HIPK1: variants seen among roughly 807,000 people sequenced by gnomAD.
HIPK1 encodes homeodomain-interacting protein kinase 1.
HIPK1 carries 28 observed loss-of-function variants against 117.1 expected under a neutral mutation model. The ratio of observed to expected loss-of-function variants is 0.24; its 90% CI spans 0.18 to 0.33. The LOEUF (loss-of-function observed/expected upper bound fraction) is 0.33. Among genes scored for constraint, HIPK1 ranks in the 10% least tolerant of loss-of-function variants. The pLI, the probability that HIPK1 is intolerant of heterozygous loss-of-function variation, is 1.00. For synonymous variants in HIPK1, 605 were observed against 562.5 expected (o/e 1.08, Z -1.07); for missense variants, 1,122 against 1,475.1 (o/e 0.76, Z 3.92).
At chr1:113,962,271 TC>T (rs1213058864) in intron 8 of HIPK1, 45 bp from the exon 9 acceptor site, 1 of 1,600,918 alleles carries the variant, frequency 6.2e-7, no homozygotes, top group Non-Finnish European at 8.5e-7. Flanking sequence ...AAAACAGTAC[TC>T]CCAGACCTTG....
intron 8 of HIPK1, among the ~76,000 whole-genome samples, chr1:113,959,235 T>C (rs556839558): frequency 9.2e-5 from 14 of 152,080 alleles, no homozygotes; most frequent in African/African-American, 3.4e-4. Context: ...TTATTGACCG[T>C]GACTCTCTTG....
intron 1 of HIPK1, among the ~76,000 whole-genome samples, chr1:113,938,168 C>A (rs1670372157): frequency 6.6e-6 from 1 of 151,456 alleles, no homozygotes; most frequent in Admixed American, 6.6e-5. Flanking sequence ...TGGAGTCTCC[C>A]CATGTTGCTC....
chr1:113,947,389 A>G (rs547735384), intron 2 of HIPK1, among the ~76,000 whole-genome samples: 11 of 152,330 alleles, frequency 7.2e-5, no homozygotes, highest in Admixed American at 2.6e-4. Context: ...GAAAAGGTCT[A>G]GAGAAGGAAA....
At chr1:113,947,209 T>C (rs1671041116) in intron 2 of HIPK1, among the ~76,000 whole-genome samples, 1 of 152,148 alleles carries the variant, frequency 6.6e-6, no homozygotes. Context: ...ATAATATACT[T>C]TACTCTCTGG....
At position 113,971,917 on chromosome 1, in the gene HIPK1, G is replaced by C. The variant is rs888764086; in HGVS notation, c.3107G>C (p.Gly1036Ala). The part of the protein sequence containing the change: ...ITPTGYRAQR[G>A]GTSAAQPLNL... ...CCCACAGGGTATCGAGCTCAACGCG[G>C]GGGGACCAGTGCAGCACAACCACTC... is the stretch of plus-strand genomic sequence containing the variant. Residue 1036 changes from glycine (G) to alanine (A), a missense_variant, in exon 15 of 16, where the codon GGG becomes GCG. By Grantham distance (60) the Gly-to-Ala change is moderately conservative (BLOSUM62 0). Coordinates refer to ENST00000426820, the MANE Select transcript of HIPK1 (RefSeq NM_198268.3). 2 of 1,608,298 alleles carry C rather than the reference G, an allele frequency of 1.2e-6. No individual in the cohort carries two copies. Among genetic ancestry groups the C allele is most frequent in the African/African-American group, 2.7e-5 (2 of 74,712 alleles).
At chr1:113,937,102 G>A (rs150307798) in intron 1 of HIPK1, among the ~76,000 whole-genome samples, 13 of 152,256 alleles carry the variant, frequency 8.5e-5, no homozygotes, top group African/African-American at 2.9e-4. Flanking sequence ...AAGATGATTT[G>A]TAAATTCAGC....
In HIPK1 at chr1:113,971,815, CT is replaced by C; in HGVS notation, c.3014-3del. The C allele has an allele frequency of 3.8e-6, 6 of 1,588,414 alleles. No individual in the cohort carries two copies. The highest frequency in any genetic ancestry group is 5.1e-6 in the Non-Finnish European group (6 of 1,172,270). On this transcript the variant is annotated splice_polypyrimidine_tract_variant and splice_region_variant and intron_variant, in intron 14 of 15. Transcript: ENST00000426820. ...CTACTCATAACTATTAAGCCTGGTG[CT>C]TTTTTAGGTCTCCTGAGCAATAAGA...
At chr1:113,957,336 AG>A in intron 7 of HIPK1, 50 bp downstream of exon 7, 1 of 1,473,204 alleles carries the variant, frequency 6.8e-7, no homozygotes, top group Non-Finnish European at 9.4e-7. Flanking sequence ...GATAGAAACT[AG>A]TAAGAATACA....
intron 1 of HIPK1, chr1:113,933,139 G>T: frequency 1.0e-6 from 1 of 982,246 alleles, no homozygotes; most frequent in East Asian, 1.1e-4. Flanking sequence ...TGTTGCCGTA[G>T]TCATTCCAAA....
At chr1:113,969,903 T>A in intron 13 of HIPK1, 53 bp from the exon 14 acceptor site, 1 of 1,601,846 alleles carries the variant, frequency 6.2e-7, no homozygotes, top group Non-Finnish European at 8.5e-7. Context: ...CAAGACGCTG[T>A]CACACACACA....
rs138660116 is a variant in HIPK1, at chr1:113,973,145, C to T, written c.3266C>T (p.Pro1089Leu). 29 of 1,603,522 alleles carry T rather than the reference C, an allele frequency of 1.8e-5. No individual in the cohort carries two copies. The highest frequency in any genetic ancestry group is 5.3e-5 in the African/African-American group (4 of 74,842). ...QAPYTFQHGS[P>L]LHSTGHPHLA... is the part of the protein sequence containing the mutation. The stretch of plus-strand genomic sequence containing the variant: ...CCCTACACCTTCCAGCATGGCAGCC[C>T]GCTACACTCGACAGGGCACCCACAC... Residue 1089 changes from proline (P) to leucine (L), a missense_variant, in exon 16 of 16, where the codon CCG (proline) becomes CTG (leucine). Coordinates refer to ENST00000426820, the MANE Select transcript of HIPK1 (RefSeq NM_198268.3).
Position 113,941,160 on chromosome 1 carries a change from GCA to G in HIPK1, c.778_779del (p.His260Ter). On this transcript the variant is annotated frameshift_variant, in exon 2 of 16. Transcript: ENST00000426820. LOFTEE classifies it high-confidence loss of function. This position sits in a 1 kb window ranked among gnomAD's most constrained non-coding sequence, Gnocchi z 4.9. ...TTGTCCGTTCATACGAGTGCTTTCA[GCA>G]TAAGAATCACACCTGCCTTGTTTTT... ...NFVRSYECFQ[H>X]KNHTCLVFEM... 1 of 1,614,244 alleles carries G rather than the reference GCA, an allele frequency of 6.2e-7. No individual in the cohort carries two copies. Among genetic ancestry groups the G allele is most frequent in the Non-Finnish European group, 8.5e-7 (1 of 1,180,044 alleles).
rs143873887 is a variant in HIPK1, at chr1:113,967,119, T to C, written c.2382-647T>C. ...TTGTGTATATGTACCATATTTTCTT[T>C]ATCCATTCATCTGTTGATGGACACT... On this transcript the variant is annotated intron_variant, in intron 11 of 15. Transcript: ENST00000426820. Among the ~76,000 whole-genome samples the C allele has an allele frequency of 4.0e-3, 604 of 152,350 alleles. 1 individual carries two copies. The highest frequency in any genetic ancestry group is 0.031 in the Middle Eastern group (9 of 294).
intron 1 of HIPK1, among the ~76,000 whole-genome samples, chr1:113,938,248 G>A (rs1022237283): frequency 2.6e-5 from 4 of 151,700 alleles, no homozygotes; most frequent in Non-Finnish European, 5.9e-5. Context: ...AGGATTACAG[G>A]CGTGAGCCAC....
chr1:113,930,272 C>T (rs939778183), intron 1 of HIPK1, among the ~76,000 whole-genome samples: 2 of 152,248 alleles, frequency 1.3e-5, no homozygotes, highest in African/African-American at 4.8e-5. Context: ...TTTTCCCCGG[C>T]TGTCGTGGCA....
intron 1 of HIPK1, among the ~76,000 whole-genome samples, chr1:113,932,897 C>T (rs78797869): frequency 6.6e-6 from 1 of 152,334 alleles, no homozygotes; most frequent in Non-Finnish European, 1.5e-5. Flanking sequence ...CTTCCATTCT[C>T]CAAACTGCTG....
In HIPK1 at chr1:113,929,405, T is replaced by G. The variant is rs577160926; in HGVS notation, c.-130T>G. 2 of 1,288,844 alleles carry G rather than the reference T, an allele frequency of 1.6e-6. No individual in the cohort carries two copies. Among genetic ancestry groups the G allele is most frequent in the South Asian group, 2.5e-5 (2 of 81,000 alleles). The allele number at this position is 1,288,844 out of a possible 1,614,324, so 79.8% of individuals were successfully genotyped here. On this transcript the variant is annotated 5_prime_UTR_variant, in exon 1 of 16. Coordinates refer to ENST00000426820, the MANE Select transcript of HIPK1 (RefSeq NM_198268.3). ...TCTGCAGTGCGGAGGGGGCGGGAAGTCCAGGCCCCGCACTCGATCCACGCT... is the reference window on the plus strand; with the variant it reads ...TCTGCAGTGCGGAGGGGGCGGGAAGGCCAGGCCCCGCACTCGATCCACGCT...
chr1:113,931,201 T>C (rs1361225410), intron 1 of HIPK1, among the ~76,000 whole-genome samples: 1 of 150,282 alleles, frequency 6.7e-6, no homozygotes, highest in Admixed American at 6.6e-5. Flanking sequence ...TTATAGAGAA[T>C]GCAAACTATT....
intron 4 of HIPK1, among the ~76,000 whole-genome samples, chr1:113,955,004 T>C (rs1236113220): frequency 1.3e-5 from 2 of 152,238 alleles, no homozygotes; most frequent in African/African-American, 4.8e-5. Flanking sequence ...CCACAGCTGA[T>C]AGAAAGTTTG....
Sources: gnomAD v4.1 joint callset for allele counts (sites outside exome capture counted in the v4.1 genomes callset) on GRCh38, gnomAD v4.1.1 for gene constraint, Gnocchi (gnomAD v3.1) non-coding constraint, MANE v1.5 for transcripts, NCBI Gene and HGNC (gene_info 2026-07-23, HGNC 2026-07-21) for gene names.